The following DIP2A variants were observed in gnomAD, a reference collection of about 807,000 sequenced individuals.
DIP2A encodes the protein disco-interacting protein 2 homolog A.
Under a neutral mutation model 177.4 loss-of-function variants are expected in DIP2A, and 85 were observed. That is an observed-to-expected ratio of 0.48 (90% CI 0.40 to 0.57). The LOEUF (loss-of-function observed/expected upper bound fraction) is 0.57, where lower values mean the gene tolerates loss of function less well. Ranked by LOEUF, DIP2A falls within the 20% of genes least tolerant of loss-of-function variation. The probability of loss-of-function intolerance (pLI) is 0.00; values close to 1 mark genes in which losing one functional copy is unlikely to be tolerated. For missense variants in DIP2A, 1,791 were observed against 2,100.2 expected (o/e 0.85, Z 2.88); for synonymous variants, 886 against 881.8 (o/e 1.00, Z -0.08).
chr21:46,467,115 C>T (rs1197109744), intron 1 of DIP2A, among the ~76,000 whole-genome samples: 2 of 151,438 alleles, frequency 1.3e-5, no homozygotes, highest in South Asian at 2.1e-4. Context: ...GCTAACACAG[C>T]GAAATCCTGT....
the DIP2A span, among the ~76,000 whole-genome samples, chr21:46,580,448 A>C: frequency 1.2e-3 from 185 of 152,322 alleles, no homozygotes; most frequent in African/African-American, 4.4e-3. Context: ...ATTTACATTT[A>C]AAGTTAGTAT....
In DIP2A at chr21:46,498,740, G is replaced by A; in HGVS notation, c.562G>A (p.Gly188Arg). The A allele has an allele frequency of 1.2e-6, 2 of 1,613,854 alleles. No homozygotes were observed. The highest frequency in any genetic ancestry group is 1.3e-5 in the African/African-American group (1 of 75,040). ...SSASSTSSHP[G>R]GRPTTAPSAA... Reference sequence around the variant, plus strand: ...TGCATCCTCCACCTCATCTCACCCGGGAGGGAGACCCACCACTGCTCCCAG... The same window carrying A: ...TGCATCCTCCACCTCATCTCACCCGAGAGGGAGACCCACCACTGCTCCCAG... Residue 188 changes from glycine to arginine, a missense_variant, in exon 5 of 38, where the codon GGA (glycine) becomes AGA (arginine). Gly to Arg is a moderately radical substitution (Grantham distance 125, BLOSUM62 -2). Transcript: ENST00000417564. The surrounding 1 kb of genome is among the most constrained non-coding windows in gnomAD (Gnocchi z 4.3).
intron 9 of DIP2A, among the ~76,000 whole-genome samples, chr21:46,530,723 G>A (rs2059321020): frequency 6.6e-6 from 1 of 152,176 alleles, no homozygotes; most frequent in Admixed American, 6.5e-5. Flanking sequence ...TCCCGGACCT[G>A]GAGAGTGTAA....
intron 25 of DIP2A, chr21:46,553,337 G>A (rs2060340221): frequency 6.6e-6 from 1 of 152,342 alleles, no homozygotes; most frequent in African/African-American, 2.4e-5. Context: ...ACACTGGTCT[G>A]CTCTGGAGTT....
rs371080400 is a variant in DIP2A, at chr21:46,511,603, C to G, written c.1091C>G (p.Thr364Ser). ...ALDTTGKAVYTLTYGKLWSRS... is the reference protein window; with the variant it reads ...ALDTTGKAVYSLTYGKLWSRS... The stretch of plus-strand genomic sequence containing the variant: ...GATACAACTGGGAAAGCCGTCTACA[C>G]TCTCACCTATGGCAAGTGTTAACAG... Residue 364 changes from threonine (T) to serine (S), a missense_variant, in exon 8 of 38, where the codon ACT (threonine) becomes AGT (serine). Coordinates refer to ENST00000417564, the MANE Select transcript of DIP2A (RefSeq NM_015151.4). 1.3e-5 allele frequency: 20 copies of G among 1,542,152 alleles called. No homozygotes were observed. The highest frequency in any genetic ancestry group is 1.7e-5 in the Non-Finnish European group (20 of 1,148,118).
intron 25 of DIP2A, among the ~76,000 whole-genome samples, chr21:46,552,721 A>T (rs1439990313): frequency 3.3e-5 from 5 of 152,246 alleles, no homozygotes; most frequent in Non-Finnish European, 7.3e-5. Context: ...AGGAGGCTTA[A>T]AATCAGTCTT....
At chr21:46,525,878 T>C (rs1601672640) in intron 8 of DIP2A, among the ~76,000 whole-genome samples, 1 of 56,890 alleles carries the variant, frequency 1.8e-5, no homozygotes, top group Non-Finnish European at 3.6e-5. Flanking sequence ...TTATTATTAT[T>C]ATTATTATTA....
rs952680767 is a variant in DIP2A, at chr21:46,498,299, G to A, written c.404-283G>A. Among the ~76,000 whole-genome samples the A allele has an allele frequency of 1.3e-5, 2 of 152,236 alleles. No individual in the cohort carries two copies. On this transcript the variant is annotated intron_variant, in intron 4 of 37. Transcript: ENST00000417564. The surrounding 1 kb of genome is among the most constrained non-coding windows in gnomAD (Gnocchi z 4.3). ...TGAGGTATATGCTGAAGCCGTTTAG[G>A]AGATCAGAGGCTGTCTTCACTGAGT...
intron 1 of DIP2A, among the ~76,000 whole-genome samples, chr21:46,484,499 C>G (rs1267059866): frequency 6.6e-6 from 1 of 152,164 alleles, no homozygotes; most frequent in Non-Finnish European, 1.5e-5. Flanking sequence ...GTTGAGTATT[C>G]AGTAGCCTTT....
chr21:46,460,991 G>A (rs2054248471), intron 1 of DIP2A, among the ~76,000 whole-genome samples: 1 of 151,746 alleles, frequency 6.6e-6, no homozygotes, highest in Non-Finnish European at 1.5e-5. Flanking sequence ...ACCGTGCCTG[G>A]CTTGTGGCAC....
chr21:46,529,497 A>G (rs1282211871), intron 9 of DIP2A, among the ~76,000 whole-genome samples: 2 of 151,324 alleles, frequency 1.3e-5, no homozygotes, highest in African/African-American at 4.9e-5. Context: ...GCTACCCGGG[A>G]GGCTGAGGCA....
intron 1 of DIP2A, among the ~76,000 whole-genome samples, chr21:46,460,880 G>C (rs996594645): frequency 6.6e-6 from 1 of 152,068 alleles, no homozygotes; most frequent in South Asian, 2.1e-4. Flanking sequence ...TTTTAGTAGA[G>C]GCAAGGTATC....
At chr21:46,526,452 T>G (rs1248708359) in intron 8 of DIP2A, among the ~76,000 whole-genome samples, 1 of 151,582 alleles carries the variant, frequency 6.6e-6, no homozygotes, top group African/African-American at 2.4e-5. Context: ...TGGAGTGCAG[T>G]GGCACGATCT....
downstream of DIP2A, among the ~76,000 whole-genome samples, chr21:46,575,007 A>G (rs1290341777): frequency 6.6e-6 from 1 of 152,210 alleles, no homozygotes; most frequent in Non-Finnish European, 1.5e-5. Flanking sequence ...TTCCTTCTGA[A>G]CATTGATGTA....
chr21:46,489,979 C>G (rs1395171242), intron 2 of DIP2A, among the ~76,000 whole-genome samples: 1 of 152,066 alleles, frequency 6.6e-6, no homozygotes, highest in African/African-American at 2.4e-5. Context: ...TTGATCTGCC[C>G]TGATTTGGAG....
chr21:46,523,393 ATTTT>A (rs61370008), intron 8 of DIP2A, among the ~76,000 whole-genome samples: 1,050 of 89,888 alleles, frequency 0.012, 6 homozygotes, highest in African/African-American at 0.032. Context: ...CGCCTGGCTA[ATTTT>A]TTTTTTTTTT....
At chr21:46,496,888 C>A in intron 3 of DIP2A, 100 bp from the exon 4 acceptor site, 2 of 1,275,670 alleles carry the variant, frequency 1.6e-6, no homozygotes. Context: ...GCTTCTATTC[C>A]TTTTACCCCC....
At chr21:46,494,654 A>G (rs1324263681) in intron 3 of DIP2A, among the ~76,000 whole-genome samples, 2 of 152,224 alleles carry the variant, frequency 1.3e-5, no homozygotes, top group African/African-American at 4.8e-5. Context: ...AGTTTTCAGA[A>G]CAATAGGTTG....
At position 46,568,869 on chromosome 21, in the gene DIP2A, T is replaced by C. The variant is rs1002223420; in HGVS notation, c.*1247T>C. The C allele has an allele frequency of 6.6e-6, 1 of 152,214 alleles. No individual in the cohort carries two copies. Among genetic ancestry groups the C allele is most frequent in the African/African-American group, 2.4e-5 (1 of 41,450 alleles). The allele number at this position is 152,214 out of a possible 1,614,324, so 9.4% of individuals were successfully genotyped here. On this transcript the variant is annotated 3_prime_UTR_variant, in exon 38 of 38. Coordinates refer to ENST00000417564, the MANE Select transcript of DIP2A (RefSeq NM_015151.4). ...GAGCAGGGAACAGCATTGCCCCGTA[T>C]TGAAGGTGGAGATGGTTACATTCTT... is the stretch of plus-strand genomic sequence containing the variant.
Sources: allele counts gnomAD v4.1 joint callset (sites outside exome capture counted in the v4.1 genomes callset), GRCh38; gene constraint gnomAD v4.1.1; non-coding constraint Gnocchi (gnomAD v3.1); transcripts MANE v1.5; gene names NCBI Gene and HGNC (gene_info 2026-07-23, HGNC 2026-07-21).